The following TADA2A variants were observed in gnomAD, a reference collection of about 807,000 sequenced individuals.
TADA2A encodes the protein transcriptional adaptor 2A.
In TADA2A, 38 loss-of-function variants were observed where a neutral mutation model predicts 67.4. The ratio of observed to expected loss-of-function variants is 0.56; its 90% CI spans 0.44 to 0.74. The LOEUF (loss-of-function observed/expected upper bound fraction) is 0.74, where lower values mean the gene tolerates loss of function less well. Among genes scored for constraint, TADA2A ranks in the 30% least tolerant of loss-of-function variants. The pLI is 0.00. For synonymous variants in TADA2A, 192 were observed against 181.6 expected, an observed-to-expected ratio of 1.06 and a Z score of -0.46; for missense variants, 454 against 547.0, an observed-to-expected ratio of 0.83 and a Z score of 1.70.
chr17:37,407,062 G>T, intron 1 of TADA2A, 113 bp downstream of exon 1: 1 of 147,344 alleles, frequency 6.8e-6, no homozygotes, highest in South Asian at 1.8e-4. Flanking sequence ...GAGGAGTCGC[G>T]GGCTGCGGGC....
chr17:37,425,977 T>C (rs2052393329), intron 3 of TADA2A, among the ~76,000 whole-genome samples: 1 of 151,462 alleles, frequency 6.6e-6, no homozygotes, highest in African/African-American at 2.4e-5. Context: ...TAAAAAAAAA[T>C]AAAGAATTTT....
At chr17:37,419,684 A>G (rs1468943724) in intron 2 of TADA2A, among the ~76,000 whole-genome samples, 1 of 144,536 alleles carries the variant, frequency 6.9e-6, no homozygotes, top group African/African-American at 2.5e-5. Context: ...AGGCTGAGGC[A>G]TGAGAATTGC....
At chr17:37,423,989 C>A (rs920919590) in intron 3 of TADA2A, among the ~76,000 whole-genome samples, 4 of 151,994 alleles carry the variant, frequency 2.6e-5, no homozygotes, top group Non-Finnish European at 4.4e-5. Context: ...ACCTCATGAT[C>A]CATCTGCCTC....
chr17:37,443,109 T>G (rs895080609), intron 7 of TADA2A, among the ~76,000 whole-genome samples: 2 of 151,856 alleles, frequency 1.3e-5, no homozygotes, highest in African/African-American at 4.8e-5. Flanking sequence ...CTGTAGCGAG[T>G]GGTGATCATT....
chr17:37,446,554 G>A (rs1004545869), intron 8 of TADA2A, among the ~76,000 whole-genome samples: 9 of 151,282 alleles, frequency 5.9e-5, no homozygotes, highest in African/African-American at 1.7e-4. Flanking sequence ...ACTTGAGGCC[G>A]AGAGTTCAAG....
At position 37,477,004 on chromosome 17, in the gene TADA2A, G is replaced by A; in HGVS notation, c.*22G>A. The A allele has an allele frequency of 6.3e-7, 1 of 1,584,148 alleles. No individual in the cohort carries two copies. Among genetic ancestry groups the A allele is most frequent in the Non-Finnish European group, 8.6e-7 (1 of 1,160,614 alleles). The stretch of plus-strand genomic sequence containing the variant: ...CTAAGGCTCCAAGAGCTTGGGATCA[G>A]AAGTCAGAAGTTTGGAATGTGGTGG... On this transcript the variant is annotated 3_prime_UTR_variant, in exon 16 of 16. Transcript: ENST00000615182.
rs2052239886 is a variant in TADA2A at position 37,421,826 on chromosome 17, C to A, written c.26-1683C>A. On this transcript the variant is annotated intron_variant, in intron 2 of 15. Coordinates refer to ENST00000615182, the MANE Select transcript of TADA2A (RefSeq NM_001166105.3). ...AGGAGTTTTCTCTTATTTGCCCCAA[C>A]TTTTTATAGAAAAGTCAAAAGAACA... Among the ~76,000 whole-genome samples, 5 of 25,382 alleles carry A rather than the reference C, an allele frequency of 2.0e-4. No homozygotes were observed. In the African/African-American group the frequency reaches 3.4e-3, roughly 17 times the overall value. The allele number at this position is 25,382 out of a possible 152,430, so 16.7% of individuals were successfully genotyped here.
At chr17:37,418,191 C>G (rs1568132169) in intron 2 of TADA2A, among the ~76,000 whole-genome samples, 1 of 152,170 alleles carries the variant, frequency 6.6e-6, no homozygotes, top group Non-Finnish European at 1.5e-5. Flanking sequence ...CTCAAAAATA[C>G]TTTGCTTTAT....
At chr17:37,464,374 T>C (rs1007847885) in intron 10 of TADA2A, among the ~76,000 whole-genome samples, 32 of 152,202 alleles carry the variant, frequency 2.1e-4, no homozygotes, top group Non-Finnish European at 3.2e-4. Flanking sequence ...ATCACACTTT[T>C]TCTCAGCTAA....
rs751423213 is a variant in TADA2A at position 37,476,967 on chromosome 17, C to T, written c.1317C>T (p.Tyr439=). The T allele has an allele frequency of 1.9e-6, 3 of 1,612,264 alleles. No individual in the cohort carries two copies. The highest frequency in any genetic ancestry group is 3.3e-5 in the Admixed American group (2 of 59,950). Residue 439 remains tyrosine, a synonymous_variant, in exon 16 of 16, where the codon TAC becomes TAT. Coordinates refer to ENST00000615182, the MANE Select transcript of TADA2A (RefSeq NM_001166105.3). ...ATGATTTCCTCATCAGAGAAGGATA[C>T]ATCACTAAAGGCTAAGGCTCCAAGA... is the stretch of plus-strand genomic sequence containing the variant. ...KIYDFLIREG[Y]ITKG
At chr17:37,413,532 T>A (rs1301165554) in intron 2 of TADA2A, among the ~76,000 whole-genome samples, 1 of 149,658 alleles carries the variant, frequency 6.7e-6, no homozygotes, top group East Asian at 1.9e-4. Context: ...TGTATATATA[T>A]GTTTTTTATT....
chr17:37,456,109 C>T (rs1305014077), intron 8 of TADA2A, among the ~76,000 whole-genome samples: 1 of 152,160 alleles, frequency 6.6e-6, no homozygotes, highest in Non-Finnish European at 1.5e-5. Flanking sequence ...GAGACTGAGG[C>T]AGGAGAATCC....
rs186965965 is a variant in TADA2A at position 37,440,538 on chromosome 17, C to G, written c.318C>G (p.Thr106=). Residue 106 remains threonine (T), a synonymous_variant, in exon 6 of 16, where the codon ACC becomes ACG. Coordinates refer to ENST00000615182, the MANE Select transcript of TADA2A (RefSeq NM_001166105.3). ...QDVANQMCTK[T]KEECEKHYMK... is the part of the protein sequence containing the mutation. ...TAGCCAATCAAATGTGCACCAAGAC[C>G]AAGGAGGAGTGTGAGAAGCACTATA... 1.1e-5 allele frequency: 17 copies of G among 1,614,078 alleles called. No homozygotes were observed. The East Asian group carries it at 3.1e-4, about 30-fold the overall frequency.
rs1303145488 is a variant in TADA2A at position 37,461,877 on chromosome 17, A to G, written c.669-201A>G. On this transcript the variant is annotated intron_variant, in intron 9 of 15. Transcript: ENST00000615182. Reference sequence around the variant, plus strand: ...TGGAGAGTCTACTATGCCCAACAAGAGGAAAAACCCGTGATGCCTGAGAGT... The same window carrying G: ...TGGAGAGTCTACTATGCCCAACAAGGGGAAAAACCCGTGATGCCTGAGAGT... The G allele has an allele frequency of 2.6e-5, 13 of 504,502 alleles. No individual in the cohort carries two copies. The South Asian group carries it at 3.6e-4, about 14-fold the overall frequency. The allele number at this position is 504,502 out of a possible 1,614,324, so 31.3% of individuals were successfully genotyped here. A position where few individuals can be genotyped will look rare whatever the true frequency, so the allele number is the denominator to read the frequency against.
chr17:37,411,486 G>A (rs757142014), intron 2 of TADA2A, 96 bp downstream of exon 2: 207 of 1,212,378 alleles, frequency 1.7e-4, no homozygotes, highest in Non-Finnish European at 2.3e-4. Flanking sequence ...ACAGTGGCAT[G>A]ATGTTGGCTC....
chr17:37,415,874 CAAA>C (rs35954525), intron 2 of TADA2A, among the ~76,000 whole-genome samples: 3 of 105,862 alleles, frequency 2.8e-5, no homozygotes, highest in Admixed American at 1.0e-4. Context: ...AACTCCTTCT[CAAA>C]AAAAAAAAAA....
In TADA2A at chr17:37,467,481, A is replaced by G. The variant is rs1300801420; in HGVS notation, c.851A>G (p.Lys284Arg). ...GAATTTGAACTCCGAAGGGAAATCAAGAGGCTCCAAGAATACAGGACAGCA... is the reference window on the plus strand; with the variant it reads ...GAATTTGAACTCCGAAGGGAAATCAGGAGGCTCCAAGAATACAGGACAGCA... ...ALEFELRREIKRLQEYRTAGI... is the reference protein window; with the variant it reads ...ALEFELRREIRRLQEYRTAGI... The change falls in exon 12 of 16, where the codon AAG becomes AGG. Residue 284 changes from lysine to arginine, a missense_variant. Physicochemically the swap from Lys to Arg is conservative, Grantham distance 26. Transcript: ENST00000615182. 2.5e-6 allele frequency: 4 copies of G among 1,613,924 alleles called. No homozygotes were observed. Among genetic ancestry groups the G allele is most frequent in the East Asian group, 2.2e-5 (1 of 44,868 alleles).
intron 1 of TADA2A, chr17:37,407,294 G>A (rs2051603547): frequency 1.3e-5 from 2 of 152,692 alleles, no homozygotes. Context: ...CCTGACCAGC[G>A]TTGCCCATTT....
At chr17:37,467,407 G>A (rs757711548) in intron 11 of TADA2A, 47 bp from the exon 12 acceptor site, 2 of 1,529,598 alleles carry the variant, frequency 1.3e-6, no homozygotes, top group African/African-American at 2.7e-5. Context: ...CACTAATGTT[G>A]CTTTTGTTTT....
Sources: gnomAD v4.1 joint callset for allele counts (sites outside exome capture counted in the v4.1 genomes callset) on GRCh38, gnomAD v4.1.1 for gene constraint, MANE v1.5 for transcripts, NCBI Gene and HGNC (gene_info 2026-07-23, HGNC 2026-07-21) for gene names.